Variants in ERC1 observed in about 807,000 individuals in gnomAD.
The protein encoded by ERC1 is RAB6 interacting protein 2.
A neutral mutation model predicts 132.0 loss-of-function variants in ERC1; 56 were observed. The observed-to-expected ratio is 0.42, with a 90% CI of 0.34 to 0.53. The LOEUF is 0.53. Among genes scored for constraint, ERC1 ranks in the 20% least tolerant of loss-of-function variants. ERC1 has a pLI of 0.03. For missense variants in ERC1, 1,202 were observed against 1,349.9 expected, an observed-to-expected ratio of 0.89 and a Z score of 1.72; for synonymous variants, 478 against 476.1, an observed-to-expected ratio of 1.00 and a Z score of -0.05.
intron 18 of ERC1, among the ~76,000 whole-genome samples, chr12:1,464,306 T>C (rs1383565669): frequency 6.6e-6 from 1 of 152,082 alleles, no homozygotes; most frequent in African/African-American, 2.4e-5. Context: ...TTTCCTTCCA[T>C]AGCTTATCTC....
At chr12:1,071,304 T>C (rs1003563904) in intron 2 of ERC1, among the ~76,000 whole-genome samples, 6 of 152,258 alleles carry the variant, frequency 3.9e-5, no homozygotes, top group African/African-American at 1.4e-4. Context: ...TTCTGGCTGC[T>C]TCCATCCTTG....
intron 1 of ERC1, among the ~76,000 whole-genome samples, chr12:1,026,326 C>G (rs566979009): frequency 6.6e-6 from 1 of 152,106 alleles, no homozygotes; most frequent in Non-Finnish European, 1.5e-5. Context: ...CTGGCCCCAC[C>G]CTTGATACAT....
At chr12:1,135,902 T>A (rs61436893) in intron 7 of ERC1, among the ~76,000 whole-genome samples, 5,341 of 152,308 alleles carry the variant, frequency 0.035, 325 homozygotes, top group African/African-American at 0.12. Flanking sequence ...GTAAAACAGT[T>A]AGGTTTTTCT....
chr12:1,290,566 T>C lies in ERC1; in HGVS notation c.2780+554T>C, dbSNP rs1352567545. ...TTTGTAGGTTGCTGAGACCATAATC[T>C]GTTGTGAAGCATGTATACATCTGCT... On this transcript the variant is annotated intron_variant, in intron 15 of 18. Coordinates refer to ENST00000360905, the MANE Select transcript of ERC1 (RefSeq NM_178040.4). Among the ~76,000 whole-genome samples, 7 of 152,324 alleles carry C rather than the reference T, an allele frequency of 4.6e-5. No individual in the cohort carries two copies. In the East Asian group the frequency reaches 9.6e-4, roughly 21 times the overall value.
chr12:1,276,150 G>C (rs1277759307), intron 14 of ERC1, among the ~76,000 whole-genome samples: 1 of 151,826 alleles, frequency 6.6e-6, no homozygotes, highest in Non-Finnish European at 1.5e-5. Flanking sequence ...CCCTTGTCTG[G>C]AAAAATCCTA....
At chr12:1,319,096 G>T (rs1444294724) in intron 15 of ERC1, among the ~76,000 whole-genome samples, 1 of 152,128 alleles carries the variant, frequency 6.6e-6, no homozygotes, top group Admixed American at 6.5e-5. Flanking sequence ...TTTATTCCAT[G>T]TTCCTGACTT....
intron 15 of ERC1, among the ~76,000 whole-genome samples, chr12:1,314,100 G>A (rs1279761547): frequency 6.6e-6 from 1 of 152,148 alleles, no homozygotes; most frequent in African/African-American, 2.4e-5. Flanking sequence ...TACTTCATCA[G>A]TATTTCCTAT....
intron 2 of ERC1, among the ~76,000 whole-genome samples, chr12:1,039,951 G>T (rs1185451740): frequency 2.0e-5 from 3 of 152,076 alleles, no homozygotes; most frequent in Non-Finnish European, 4.4e-5. Context: ...TCTTTATTGT[G>T]GTATTTTTGT....
chr12:1,176,082 A>G (rs143732015), intron 8 of ERC1, among the ~76,000 whole-genome samples: 106 of 152,344 alleles, frequency 7.0e-4, no homozygotes, highest in Admixed American at 3.4e-3. Context: ...ATCCTTTCCA[A>G]AAAGTTTTCA....
At position 1,446,127 on chromosome 12, in the gene ERC1, C is replaced by T. The variant is rs1232704994; in HGVS notation, c.3213+1377C>T. Among the ~76,000 whole-genome samples, 6 of 152,240 alleles carry T rather than the reference C, an allele frequency of 3.9e-5. No homozygotes were observed. In the South Asian group the frequency reaches 6.2e-4, roughly 16 times the overall value. On this transcript the variant is annotated intron_variant, in intron 18 of 18. Coordinates refer to ENST00000360905, the MANE Select transcript of ERC1 (RefSeq NM_178040.4). ...CATTCCATCTATAGTACTCCCTAGACGACATTTTCTGTTTACTGTCACTTG... is the reference window on the plus strand; with the variant it reads ...CATTCCATCTATAGTACTCCCTAGATGACATTTTCTGTTTACTGTCACTTG...
intron 18 of ERC1, among the ~76,000 whole-genome samples, chr12:1,455,699 A>C (rs1047250560): frequency 1.3e-5 from 2 of 152,254 alleles, no homozygotes; most frequent in Non-Finnish European, 2.9e-5. Context: ...ATTGTGAGAA[A>C]ACTTCAATGA....
intron 2 of ERC1, among the ~76,000 whole-genome samples, chr12:1,064,643 C>G (rs1938728982): frequency 6.6e-6 from 1 of 152,132 alleles, no homozygotes; most frequent in Non-Finnish European, 1.5e-5. Context: ...ATCCTCCCGC[C>G]TGGCCTCCCA....
At chr12:1,307,183 A>G (rs2080946096) in intron 15 of ERC1, among the ~76,000 whole-genome samples, 1 of 152,226 alleles carries the variant, frequency 6.6e-6, no homozygotes, top group African/African-American at 2.4e-5. Context: ...TCCTGAAGAT[A>G]GCTAATCAGG....
intron 15 of ERC1, among the ~76,000 whole-genome samples, chr12:1,343,837 A>G (rs915893925): frequency 6.7e-6 from 1 of 149,830 alleles, no homozygotes; most frequent in Non-Finnish European, 1.5e-5. Context: ...TGTAGATTTC[A>G]TATGTAAAAA....
At chr12:1,296,980 C>A (rs1566516550) in intron 15 of ERC1, among the ~76,000 whole-genome samples, 1 of 151,854 alleles carries the variant, frequency 6.6e-6, no homozygotes, top group African/African-American at 2.4e-5. Flanking sequence ...CTTTGATTTA[C>A]AAATCCCAGA....
intron 8 of ERC1, among the ~76,000 whole-genome samples, chr12:1,150,291 G>A (rs1024087609): frequency 6.6e-5 from 10 of 152,090 alleles, no homozygotes; most frequent in South Asian, 2.1e-4. Context: ...CCTCTCTCCC[G>A]CAGTCAGAGG....
chr12:1,419,840 AAAG>A (rs761975792), intron 17 of ERC1, among the ~76,000 whole-genome samples: 154 of 141,804 alleles, frequency 1.1e-3, no homozygotes, highest in Non-Finnish European at 1.9e-3. Context: ...CCTAATTAAA[AAAG>A]AAGTAATGGT....
intron 6 of ERC1, among the ~76,000 whole-genome samples, chr12:1,112,724 A>G (rs564287205): frequency 6.6e-6 from 1 of 152,326 alleles, no homozygotes; most frequent in African/African-American, 2.4e-5. Context: ...TACCTTATGT[A>G]GACATTATCT....
intron 18 of ERC1, among the ~76,000 whole-genome samples, chr12:1,449,137 T>G (rs891440990): frequency 6.6e-6 from 1 of 152,248 alleles, no homozygotes; most frequent in Admixed American, 6.5e-5. Flanking sequence ...GGAGTAGGTG[T>G]ATTTACCCAA....
Sources: gnomAD v4.1 joint callset for allele counts (sites outside exome capture counted in the v4.1 genomes callset) on GRCh38, gnomAD v4.1.1 for gene constraint, MANE v1.5 for transcripts, NCBI Gene and HGNC (gene_info 2026-07-23, HGNC 2026-07-21) for gene names.